SLC30A8: variants seen among roughly 807,000 people sequenced by gnomAD.
The protein encoded by SLC30A8 is proton-coupled zinc antiporter SLC30A8.
Under a neutral mutation model 36.9 loss-of-function variants are expected in SLC30A8, and 27 were observed. That is an observed-to-expected ratio of 0.73 (90% CI 0.54 to 1.01). The LOEUF (loss-of-function observed/expected upper bound fraction) is 1.01, where lower values mean the gene tolerates loss of function less well. Ranked by LOEUF, SLC30A8 falls within the 50% of genes least tolerant of loss-of-function variation. The probability of loss-of-function intolerance (pLI) is 0.00; values close to 1 mark genes in which losing one functional copy is unlikely to be tolerated. For missense variants in SLC30A8, 439 were observed against 452.0 expected (o/e 0.97, Z 0.26); for synonymous variants, 164 against 172.4 (o/e 0.95, Z 0.38).
At chr8:117,146,414 CTT>C (rs1048839790) in intron 1 of SLC30A8, among the ~76,000 whole-genome samples, 7 of 152,126 alleles carry the variant, frequency 4.6e-5, no homozygotes, top group Admixed American at 2.0e-4. Context: ...GGTTTCAACT[CTT>C]ATCATAACAT....
rs114249549 is a variant in SLC30A8 at position 117,129,550 on chromosome 8, A to T, written c.-225-5730A>T. 3.0e-3 allele frequency among the ~76,000 whole-genome samples: 449 copies of T among 152,146 alleles called. 5 individuals carry two copies. The highest frequency in any genetic ancestry group is 0.01 in the African/African-American group (418 of 41,552). On this transcript the variant is annotated intron_variant, in intron 2 of 10. Coordinates refer to the SLC30A8 transcript ENST00000427715. ...AACTTGTGACTAGGAAATGCAAATTATTCCAAATTCCATTCTAACAACTCT... is the reference window on the plus strand; with the variant it reads ...AACTTGTGACTAGGAAATGCAAATTTTTCCAAATTCCATTCTAACAACTCT...
At chr8:116,953,440 G>A (rs1354848251) in intron 1 of SLC30A8, among the ~76,000 whole-genome samples, 1 of 152,142 alleles carries the variant, frequency 6.6e-6, no homozygotes, top group Non-Finnish European at 1.5e-5. Flanking sequence ...GTAGTGGACT[G>A]TGATTATATT....
intron 1 of SLC30A8, among the ~76,000 whole-genome samples, chr8:116,979,223 C>T (rs1238888856): frequency 1.7e-4 from 18 of 108,124 alleles, no homozygotes; most frequent in African/African-American, 6.0e-4. Flanking sequence ...TGGGCAATAG[C>T]GTGAGACCCT....
At position 117,016,422 on chromosome 8, in the gene SLC30A8, G is replaced by C. The variant is rs73312283; in HGVS notation, c.-265-22797G>C. Among the ~76,000 whole-genome samples the C allele has an allele frequency of 1.3e-5, 2 of 152,136 alleles. 1 individual carries two copies. The highest frequency in any genetic ancestry group is 4.8e-5 in the African/African-American group (2 of 41,428). On this transcript the variant is annotated intron_variant, in intron 1 of 10. Coordinates refer to the SLC30A8 transcript ENST00000427715. ...GCAGAAAGAGGAAAATCAAGTTAAC[G>C]AAACTGAGCAGGAAAAGACAGGGGC...
At chr8:117,144,489 A>G (rs1171180389) in intron 1 of SLC30A8, among the ~76,000 whole-genome samples, 1 of 152,184 alleles carries the variant, frequency 6.6e-6, no homozygotes, top group Non-Finnish European at 1.5e-5. Context: ...GAGATAATAT[A>G]TTGAGCAAAG....
chr8:116,965,131 T>C (rs899027672), intron 1 of SLC30A8, among the ~76,000 whole-genome samples: 8 of 152,148 alleles, frequency 5.3e-5, no homozygotes, highest in African/African-American at 1.9e-4. Flanking sequence ...AGAGATGGGG[T>C]TTCACCATAT....
chr8:116,974,893 G>A (rs901818046), intron 1 of SLC30A8, among the ~76,000 whole-genome samples: 1 of 151,998 alleles, frequency 6.6e-6, no homozygotes, highest in Admixed American at 6.6e-5. Context: ...GTAGGGACAT[G>A]GATGAAGCTG....
chr8:117,004,912 A>T (rs1816123158), intron 1 of SLC30A8, among the ~76,000 whole-genome samples: 1 of 152,048 alleles, frequency 6.6e-6, no homozygotes, highest in Non-Finnish European at 1.5e-5. Context: ...TCAAAGGTTG[A>T]TATATTTTTC....
At chr8:116,996,299 G>GC (rs1334527407) in intron 1 of SLC30A8, among the ~76,000 whole-genome samples, 2 of 152,170 alleles carry the variant, frequency 1.3e-5, no homozygotes, top group Non-Finnish European at 2.9e-5. Context: ...AGAACTCAGT[G>GC]CTTTGGGCTT....
At chr8:117,118,395 A>G (rs1314108875) in intron 2 of SLC30A8, among the ~76,000 whole-genome samples, 1 of 151,980 alleles carries the variant, frequency 6.6e-6, no homozygotes, top group African/African-American at 2.4e-5. Flanking sequence ...AAAACTCTAT[A>G]AAGAGATTTG....
intron 2 of SLC30A8, among the ~76,000 whole-genome samples, chr8:117,086,367 A>T (rs1024053800): frequency 7.9e-5 from 12 of 152,166 alleles, no homozygotes; most frequent in Non-Finnish European, 8.8e-5. Context: ...TTGCCACCCC[A>T]CTAATAATGG....
chr8:117,011,308 A>G (rs1426014433), intron 1 of SLC30A8, among the ~76,000 whole-genome samples: 2 of 152,152 alleles, frequency 1.3e-5, no homozygotes, highest in Non-Finnish European at 2.9e-5. Flanking sequence ...GTCACTTGTA[A>G]TCAGGAGTCT....
chr8:117,058,349 A>T lies in SLC30A8; in HGVS notation c.-226+19091A>T, dbSNP rs189475208. ...CTGTGGATTGCCTTTTATTTTGTGG[A>T]TTGTTTTCTTTGCTATGCAAAAACT... On this transcript the variant is annotated intron_variant, in intron 2 of 10. Coordinates refer to the SLC30A8 transcript ENST00000427715. Among the ~76,000 whole-genome samples, 112 of 151,926 alleles carry T rather than the reference A, an allele frequency of 7.4e-4. 1 individual carries two copies. Among genetic ancestry groups the T allele is most frequent in the African/African-American group, 2.4e-3 (99 of 41,434 alleles).
chr8:116,962,803 A>C (rs1006571510), intron 1 of SLC30A8, among the ~76,000 whole-genome samples: 4 of 151,912 alleles, frequency 2.6e-5, no homozygotes, highest in African/African-American at 9.7e-5. Flanking sequence ...CCTTTATTAG[A>C]AGGATTACTT....
At chr8:116,977,141 C>CTTTTTTTTTTTTTTTT (rs71305451) in intron 1 of SLC30A8, among the ~76,000 whole-genome samples, 41 of 59,110 alleles carry the variant, frequency 6.9e-4, no homozygotes, top group South Asian at 9.6e-4. Flanking sequence ...CTTTTTCTTG[C>CTTTTTTTTTTTTTTTT]TTTTTTTTTT....
rs112504967 is a variant in SLC30A8, at chr8:117,068,087, T to C, written c.-226+28829T>C. On this transcript the variant is annotated intron_variant, in intron 2 of 10. Coordinates refer to the SLC30A8 transcript ENST00000427715. Reference sequence around the variant, plus strand: ...TCATGCCTAATGAAAATCAATCTTTTTGTTCTATTATGCATTGATGAAAGA... The same window carrying C: ...TCATGCCTAATGAAAATCAATCTTTCTGTTCTATTATGCATTGATGAAAGA... 4.7e-3 allele frequency among the ~76,000 whole-genome samples: 710 copies of C among 152,296 alleles called. 4 individuals carry two copies. The highest frequency in any genetic ancestry group is 0.016 in the African/African-American group (681 of 41,554).
At chr8:117,169,797 G>GA (rs776530400) in intron 6 of SLC30A8, among the ~76,000 whole-genome samples, 3 of 151,944 alleles carry the variant, frequency 2.0e-5, no homozygotes, top group Non-Finnish European at 4.4e-5. Context: ...AATCTTGCAA[G>GA]AACTCACTCA....
intron 1 of SLC30A8, among the ~76,000 whole-genome samples, chr8:117,003,919 T>C (rs1447401596): frequency 6.6e-6 from 1 of 152,198 alleles, no homozygotes; most frequent in Non-Finnish European, 1.5e-5. Context: ...TTTTTGGTCC[T>C]GAAAAGAATG....
At chr8:117,114,931 G>T (rs968738064) in intron 2 of SLC30A8, among the ~76,000 whole-genome samples, 1 of 151,898 alleles carries the variant, frequency 6.6e-6, no homozygotes, top group Admixed American at 6.6e-5. Context: ...TAGAGACAGG[G>T]TCTTGCTCTG....
Sources: allele counts gnomAD v4.1 joint callset (sites outside exome capture counted in the v4.1 genomes callset), GRCh38; gene constraint gnomAD v4.1.1; transcripts MANE v1.5; gene names NCBI Gene and HGNC (gene_info 2026-07-23, HGNC 2026-07-21).